The following BTBD2 variants were observed in gnomAD, a reference collection of about 807,000 sequenced individuals.
BTBD2 encodes BTB domain containing 2.
In BTBD2, 15 loss-of-function variants were observed where a neutral mutation model predicts 44.0. That is an observed-to-expected ratio of 0.34 (90% CI 0.23 to 0.53). BTBD2 has a LOEUF of 0.53. Among genes scored for constraint, BTBD2 ranks in the 20% least tolerant of loss-of-function variants. BTBD2 has a pLI of 0.95. For missense variants in BTBD2, 657 were observed against 746.4 expected (o/e 0.88, Z 1.39); for synonymous variants, 443 against 335.9 (o/e 1.32, Z -3.49).
chr19:1,988,828 C>T (rs1348404988), intron 5 of BTBD2, among the ~76,000 whole-genome samples: 1 of 152,182 alleles, frequency 6.6e-6, no homozygotes, highest in Admixed American at 6.5e-5. Flanking sequence ...GTCTCAAACT[C>T]CTGACCTCAA....
chr19:1,986,990 G>C lies in BTBD2; in HGVS notation c.1270-14C>G, dbSNP rs2016095168. Reference sequence around the variant, plus strand: ...GGTGTGAATAATCTGCGGGGAGGTGGGAAGTGGGAGGCTCAGGCCTGGGGA... The same window carrying C: ...GGTGTGAATAATCTGCGGGGAGGTGCGAAGTGGGAGGCTCAGGCCTGGGGA... On this transcript the variant is annotated splice_polypyrimidine_tract_variant and intron_variant, in intron 7 of 8. Coordinates refer to ENST00000255608, the MANE Select transcript of BTBD2 (RefSeq NM_017797.4). 1 of 1,608,576 alleles carries C rather than the reference G, an allele frequency of 6.2e-7. No homozygotes were observed. Among genetic ancestry groups the C allele is most frequent in the South Asian group, 1.1e-5 (1 of 90,628 alleles).
chr19:1,996,478 C>CTT (rs150753596), intron 2 of BTBD2, among the ~76,000 whole-genome samples: 53,676 of 138,204 alleles, frequency 0.39, 11,024 homozygotes, highest in African/African-American at 0.55. Context: ...CTGATGTTTC[C>CTT]TTTTTTTTGT....
intron 1 of BTBD2, among the ~76,000 whole-genome samples, chr19:2,010,315 T>C (rs1226929813): frequency 6.6e-6 from 1 of 152,204 alleles, no homozygotes; most frequent in Non-Finnish European, 1.5e-5. Context: ...ACTGCGTGCC[T>C]ACTGTGTGCC....
At chr19:2,009,105 G>A (rs1019606929) in intron 1 of BTBD2, among the ~76,000 whole-genome samples, 2 of 150,904 alleles carry the variant, frequency 1.3e-5, no homozygotes, top group Non-Finnish European at 1.5e-5. Flanking sequence ...TGCAACCTCC[G>A]CCTCCCAGGT....
At chr19:2,005,548 G>T (rs1172814346) in intron 1 of BTBD2, among the ~76,000 whole-genome samples, 1 of 151,832 alleles carries the variant, frequency 6.6e-6, no homozygotes, top group African/African-American at 2.4e-5. Context: ...TTGGGAGGCC[G>T]AGGCGGGTGG....
chr19:2,012,588 A>G (rs2016480791), intron 1 of BTBD2, among the ~76,000 whole-genome samples: 1 of 152,156 alleles, frequency 6.6e-6, no homozygotes, highest in African/African-American at 2.4e-5. Context: ...TGGGAGTCAA[A>G]AGTTGTACTT....
chr19:2,013,853 AG>A (rs2016497897), intron 1 of BTBD2: 3 of 86,618 alleles, frequency 3.5e-5, no homozygotes, highest in Non-Finnish European at 5.9e-5. Flanking sequence ...CTTGGCGCAC[AG>A]GGGTGCGGGT....
At chr19:2,009,114 G>T (rs2016430896) in intron 1 of BTBD2, among the ~76,000 whole-genome samples, 1 of 151,840 alleles carries the variant, frequency 6.6e-6, no homozygotes, top group African/African-American at 2.4e-5. Flanking sequence ...CGCCTCCCAG[G>T]TTCAAACGAT....
At chr19:1,990,676 G>T in intron 4 of BTBD2, 41 bp downstream of exon 4, 2 of 1,472,860 alleles carry the variant, frequency 1.4e-6, no homozygotes, top group East Asian at 2.6e-5. Flanking sequence ...TCCCGCCGAG[G>T]CCCCGCTGGG....
At chr19:2,015,268 G>A in intron 1 of BTBD2, 29 bp downstream of exon 1, 2 of 1,529,266 alleles carry the variant, frequency 1.3e-6, no homozygotes, top group Non-Finnish European at 1.7e-6. Context: ...GTGGGTCGGG[G>A]CCAGGGCTGG....
chr19:2,015,446 C>G lies in BTBD2; in HGVS notation c.258G>C (p.Ala86=). The change falls in exon 1 of 9, where the codon GCG becomes GCC. Residue 86 remains alanine, a synonymous_variant. Transcript: ENST00000255608. ...RAEEAAGPGA[A]ALQREAAYNW... is the part of the protein sequence containing the mutation. ...TGTACGCGGCCTCGCGCTGCAGCGC[C>G]GCCGCCCCCGGGCCCGCCGCCTCCT... 7.0e-7 allele frequency: 1 copy of G among 1,424,920 alleles called. No individual in the cohort carries two copies. The highest frequency in any genetic ancestry group is 9.2e-7 in the Non-Finnish European group (1 of 1,088,688). The allele number at this position is 1,424,920 out of a possible 1,614,324, so 88.3% of individuals were successfully genotyped here.
At chr19:1,994,239 C>G (rs2145628174) in intron 2 of BTBD2, among the ~76,000 whole-genome samples, 1 of 151,450 alleles carries the variant, frequency 6.6e-6, no homozygotes, top group Non-Finnish European at 1.5e-5. Flanking sequence ...TCGCTTGAAC[C>G]CAGGAGGCGG....
chr19:1,987,297 A>G, intron 6 of BTBD2, 44 bp from the exon 7 acceptor site: 2 of 1,601,606 alleles, frequency 1.2e-6, no homozygotes, highest in Non-Finnish European at 1.7e-6. Context: ...ACCCAGGGAT[A>G]GCCTAAGGTG....
chr19:2,009,646 C>CTAGCCTGGCTAACATGGTGAA, intron 1 of BTBD2, among the ~76,000 whole-genome samples: 1 of 135,794 alleles, frequency 7.4e-6, no homozygotes, highest in East Asian at 2.3e-4. Context: ...CTCAGGAGTT[C>CTAGCCTGGCTAACATGGTGAA]ACCATCACCC....
intron 4 of BTBD2, 110 bp from the exon 5 acceptor site, chr19:1,990,311 G>T: frequency 8.5e-7 from 1 of 1,171,118 alleles, no homozygotes; most frequent in Non-Finnish European, 1.2e-6. Context: ...TGGCAACTAT[G>T]GCCCGTGGCC....
At chr19:1,994,758 C>T (rs948532034) in intron 2 of BTBD2, among the ~76,000 whole-genome samples, 3 of 151,882 alleles carry the variant, frequency 2.0e-5, no homozygotes, top group South Asian at 2.1e-4. Context: ...TACTCCATCT[C>T]AAAAAATGAA....
rs376967681 is a variant in BTBD2, at chr19:1,987,241, G to A, written c.1194C>T (p.Asn398=). The A allele has an allele frequency of 3.1e-6, 5 of 1,613,832 alleles. No individual in the cohort carries two copies. In the African/African-American group the frequency reaches 5.3e-5, roughly 17 times the overall value. The change falls in exon 7 of 9, where the codon AAC becomes AAT. Residue 398 remains asparagine (N), a synonymous_variant. Transcript: ENST00000255608. ...GTSDRIRFSV[N]KRIFVVGFGL... ...CAAATCCCACCACGAAGATGCGCTT[G>A]TTGACTGAGAACCTGCCGTGGCAGA...
rs1239537790 is a variant in BTBD2, at chr19:1,999,807, C to CA, written c.408-2345dup. On this transcript the variant is annotated intron_variant, in intron 1 of 8. Transcript: ENST00000255608. ...TGAAACCCCGTCTCTACTAAAAATA[C>CA]AAAAATTAGCTGGGCGTGGTGGTGG... Among the ~76,000 whole-genome samples, 11 of 151,688 alleles carry CA rather than the reference C, an allele frequency of 7.3e-5. No homozygotes were observed. The South Asian group carries it at 2.1e-3, about 29-fold the overall frequency.
intron 2 of BTBD2, among the ~76,000 whole-genome samples, chr19:1,996,252 T>G (rs1437562131): frequency 4.6e-5 from 7 of 152,304 alleles, no homozygotes; most frequent in African/African-American, 1.7e-4. Context: ...CCCTCCAACT[T>G]TGTTCTTTTT....
Sources: gnomAD v4.1 joint callset for allele counts (sites outside exome capture counted in the v4.1 genomes callset) on GRCh38, gnomAD v4.1.1 for gene constraint, MANE v1.5 for transcripts, NCBI Gene and HGNC (gene_info 2026-07-23, HGNC 2026-07-21) for gene names.